ULK2: variants seen among roughly 807,000 people sequenced by gnomAD.
ULK2 encodes serine/threonine-protein kinase ULK2.
A neutral mutation model predicts 127.5 loss-of-function variants in ULK2; 76 were observed. The observed-to-expected ratio is 0.60, with a 90% CI of 0.50 to 0.72. The LOEUF (loss-of-function observed/expected upper bound fraction) is 0.72, where lower values mean the gene tolerates loss of function less well. Among genes scored for constraint, ULK2 ranks in the 30% least tolerant of loss-of-function variants. The pLI is 0.00. For synonymous variants in ULK2, 452 were observed against 461.9 expected (o/e 0.98, Z 0.28); for missense variants, 1,144 against 1,295.9 (o/e 0.88, Z 1.80).
Position 19,796,774 on chromosome 17 carries a change from T to C in ULK2, c.1810-492A>G, listed in dbSNP as rs111360602. ...GTGTTGGAGTGCATTTTTTCATCCATTACTTGGTCAGGGTCTGCGGGTGAG... is the reference window on the plus strand; with the variant it reads ...GTGTTGGAGTGCATTTTTTCATCCACTACTTGGTCAGGGTCTGCGGGTGAG... On this transcript the variant is annotated intron_variant, in intron 18 of 26. Coordinates refer to ENST00000395544, the MANE Select transcript of ULK2 (RefSeq NM_014683.4). Among the ~76,000 whole-genome samples, 733 of 152,300 alleles carry C rather than the reference T, an allele frequency of 4.8e-3. 3 individuals are homozygous for C. The highest frequency in any genetic ancestry group is 0.017 in the African/African-American group (706 of 41,568).
chr17:19,806,101 T>C (rs1266078148), intron 14 of ULK2, among the ~76,000 whole-genome samples: 2 of 152,196 alleles, frequency 1.3e-5, no homozygotes, highest in Non-Finnish European at 2.9e-5. Flanking sequence ...AACCCTCTAC[T>C]ACCACTAAAA....
At chr17:19,842,190 CT>C (rs869294657) in intron 8 of ULK2, among the ~76,000 whole-genome samples, 171 of 88,376 alleles carry the variant, frequency 1.9e-3, no homozygotes, top group East Asian at 2.8e-3. Context: ...TTTTCTTTTT[CT>C]TTTTTTTTTT....
In ULK2 at chr17:19,825,134, G is replaced by C. The variant is rs773933750; in HGVS notation, c.884C>G (p.Ser295Cys). The C allele has an allele frequency of 3.1e-6, 5 of 1,614,194 alleles. No individual in the cohort carries two copies. The South Asian group carries it at 5.5e-5, about 18-fold the overall frequency. Residue 295 changes from serine to cysteine, a missense_variant, in exon 12 of 27, where the codon TCC becomes TGC. Ser to Cys is a moderately radical substitution (Grantham distance 112, BLOSUM62 -1). Around this residue, in one of 2 missense-constraint regions of ULK2, gnomAD observed 913 missense variants for 970.5 expected, o/e 0.94. Transcript: ENST00000395544. ...ACGACAAGATGGAGAGCTGCCACAG[G>C]AGCTTCCAGAGACAGAACCAGAATA... Reference protein sequence around the residue: ...PMYSGSVSGSSCGSSPSCRFA... With the variant: ...PMYSGSVSGSCCGSSPSCRFA...
At chr17:19,848,767 A>C (rs1469017094) in intron 5 of ULK2, among the ~76,000 whole-genome samples, 1 of 151,506 alleles carries the variant, frequency 6.6e-6, no homozygotes, top group Non-Finnish European at 1.5e-5. Context: ...ACAGAGTGAG[A>C]CTTCATCTCC....
chr17:19,832,059 T>A (rs534221167), intron 10 of ULK2, among the ~76,000 whole-genome samples: 1 of 150,936 alleles, frequency 6.6e-6, no homozygotes, highest in South Asian at 2.1e-4. Context: ...AGGAGCTGGA[T>A]GGAGGTTGCA....
In ULK2 at chr17:19,796,088, CTT is replaced by C; in HGVS notation, c.1997+5_1997+6del. The C allele has an allele frequency of 6.2e-7, 1 of 1,601,926 alleles. No homozygotes were observed. Among genetic ancestry groups the C allele is most frequent in the Non-Finnish European group, 8.5e-7 (1 of 1,175,738 alleles). ...TGTTTAATGCTAGAATGGAAACAGT[CTT>C]TTACCTGCCAAACACTGCCTTGCTC... is the stretch of plus-strand genomic sequence containing the variant. On this transcript the variant is annotated splice_donor_5th_base_variant and intron_variant, in intron 19 of 26. Transcript: ENST00000395544.
intron 14 of ULK2, among the ~76,000 whole-genome samples, chr17:19,807,930 C>A (rs1299202488): frequency 6.6e-6 from 1 of 152,040 alleles, no homozygotes; most frequent in South Asian, 2.1e-4. Context: ...CATGGCGAAA[C>A]CCCGTCTCTA....
chr17:19,803,777 C>T (rs1438908248), intron 15 of ULK2, among the ~76,000 whole-genome samples: 1 of 152,188 alleles, frequency 6.6e-6, no homozygotes, highest in Non-Finnish European at 1.5e-5. Flanking sequence ...GGTATCGTAA[C>T]AGTTAACAAC....
intron 18 of ULK2, 69 bp downstream of exon 18, chr17:19,797,327 C>T: frequency 6.9e-7 from 1 of 1,456,760 alleles, no homozygotes; most frequent in Admixed American, 2.4e-5. Flanking sequence ...TATAGCTATT[C>T]TCATAATGAA....
chr17:19,830,898 G>A lies in ULK2; in HGVS notation c.788-4712C>T, dbSNP rs539649865. On this transcript the variant is annotated intron_variant, in intron 10 of 26. Transcript: ENST00000395544. Reference sequence around the variant, plus strand: ...AAAAATTAGCCATGCGTGGTGGCACGCAGCTGTAATTCCCGCTACTCAGGA... The same window carrying A: ...AAAAATTAGCCATGCGTGGTGGCACACAGCTGTAATTCCCGCTACTCAGGA... Among the ~76,000 whole-genome samples the A allele has an allele frequency of 6.5e-4, 99 of 151,930 alleles. 1 individual carries two copies. Among genetic ancestry groups the A allele is most frequent in the Admixed American group, 1.8e-3 (28 of 15,242 alleles).
chr17:19,821,431 G>A (rs924992606), intron 12 of ULK2, among the ~76,000 whole-genome samples: 1 of 151,914 alleles, frequency 6.6e-6, no homozygotes, highest in African/African-American at 2.4e-5. Flanking sequence ...TTTGTTTTGG[G>A]GGGGGCCTAG....
At position 19,781,058 on chromosome 17, in the gene ULK2, C is replaced by T; in HGVS notation, c.2686G>A (p.Ala896Thr). 6.2e-7 allele frequency: 1 copy of T among 1,613,986 alleles called. No individual in the cohort carries two copies. Among genetic ancestry groups the T allele is most frequent in the Non-Finnish European group, 8.5e-7 (1 of 1,179,992 alleles). The change falls in exon 24 of 27, where the codon GCG becomes ACG. Residue 896 changes from alanine (A) to threonine (T), a missense_variant. Physicochemically the swap from Ala to Thr is moderately conservative, Grantham distance 58. Transcript: ENST00000395544. ...VLYMKAAQLL[A>T]ASLHLAKAQI... The stretch of plus-strand genomic sequence containing the variant: ...GCTTTGGCAAGATGCAGAGAAGCCG[C>T]AAGCAGCTGTGCTGCTTTCATGTAC...
intron 17 of ULK2, among the ~76,000 whole-genome samples, chr17:19,799,160 CA>C (rs899604997): frequency 0.024 from 1,618 of 68,586 alleles, 8 homozygotes; most frequent in African/African-American, 0.059. Flanking sequence ...GACTCCATTT[CA>C]AAAAAAAAAA....
At chr17:19,865,170 A>G (rs1372087600) in intron 2 of ULK2, among the ~76,000 whole-genome samples, 2 of 152,188 alleles carry the variant, frequency 1.3e-5, no homozygotes, top group Non-Finnish European at 2.9e-5. Flanking sequence ...GTACTTTGAA[A>G]CAAGTTTCTT....
At chr17:19,801,650 G>C (rs994782501) in intron 16 of ULK2, 127 bp downstream of exon 16, 1 of 1,214,932 alleles carries the variant, frequency 8.2e-7, no homozygotes. Context: ...TGGAGGGACG[G>C]GGTATGGCCT....
intron 16 of ULK2, 120 bp downstream of exon 16, chr17:19,801,657 G>A: frequency 7.7e-7 from 1 of 1,302,708 alleles, no homozygotes; most frequent in Non-Finnish European, 1.1e-6. Context: ...ACGGGGTATG[G>A]CCTCCAATCA....
chr17:19,856,947 A>C (rs1308804632), intron 3 of ULK2, among the ~76,000 whole-genome samples: 3 of 135,740 alleles, frequency 2.2e-5, no homozygotes, highest in Non-Finnish European at 4.6e-5. Context: ...ACGGCACTCC[A>C]GCCTTGGTGA....
chr17:19,800,645 G>A (rs1244109430), intron 16 of ULK2, among the ~76,000 whole-genome samples: 1 of 152,096 alleles, frequency 6.6e-6, no homozygotes, highest in Non-Finnish European at 1.5e-5. Flanking sequence ...GTTTTAAACA[G>A]GGCTCCTGAG....
intron 25 of ULK2, among the ~76,000 whole-genome samples, chr17:19,779,750 G>A (rs577368407): frequency 2.6e-5 from 4 of 152,222 alleles, no homozygotes; most frequent in South Asian, 2.1e-4. Flanking sequence ...AGTGGGACCT[G>A]AGCACATAAA....
Sources: gnomAD v4.1 joint callset for allele counts (sites outside exome capture counted in the v4.1 genomes callset) on GRCh38, gnomAD v4.1.1 for gene constraint, gnomAD v4.1.1 regional missense constraint, MANE v1.5 for transcripts, NCBI Gene and HGNC (gene_info 2026-07-23, HGNC 2026-07-21) for gene names.